The following ALS2CL variants were observed in gnomAD, a reference collection of about 807,000 sequenced individuals.
ALS2CL encodes the protein ALS2 C-terminal like.
In ALS2CL, 112 loss-of-function variants were observed where a neutral mutation model predicts 127.9. That is an observed-to-expected ratio of 0.88 (90% confidence interval 0.75 to 1.02). ALS2CL has a LOEUF of 1.02. Among genes scored for constraint, ALS2CL ranks in the 50% least tolerant of loss-of-function variants. The pLI, the probability that ALS2CL is intolerant of heterozygous loss-of-function variation, is 0.00. For synonymous variants in ALS2CL, 519 were observed against 527.6 expected (o/e 0.98, Z 0.22); for missense variants, 1,174 against 1,236.7 (o/e 0.95, Z 0.76).
chr3:46,686,775 G>A lies in ALS2CL; in HGVS notation c.534+208C>T, dbSNP rs973856396. Among the ~76,000 whole-genome samples the A allele has an allele frequency of 3.3e-5, 5 of 151,954 alleles. No individual in the cohort carries two copies. Among genetic ancestry groups the A allele is most frequent in the Non-Finnish European group, 5.9e-5 (4 of 67,964 alleles). On this transcript the variant is annotated intron_variant, in intron 5 of 25. Coordinates refer to ENST00000318962, the MANE Select transcript of ALS2CL (RefSeq NM_147129.5). The surrounding 1 kb of genome is among the most constrained non-coding windows in gnomAD (Gnocchi z 4.3). The stretch of plus-strand genomic sequence containing the variant: ...TTCCCTAGGACAGAACCATGTCTTC[G>A]GACCCCCTCCTCAGGGCTGGGCCAC...
chr3:46,676,564 G>C, intron 18 of ALS2CL, 78 bp downstream of exon 18: 5 of 1,559,950 alleles, frequency 3.2e-6, no homozygotes, highest in Non-Finnish European at 4.4e-6. Flanking sequence ...TCAGCACCCT[G>C]CTATGAAAAA....
At chr3:46,682,169 C>T (rs558886405) in intron 10 of ALS2CL, 75 bp from the exon 11 acceptor site, 23 of 1,512,880 alleles carry the variant, frequency 1.5e-5, no homozygotes, top group Middle Eastern at 3.4e-4. Flanking sequence ...CTTTCTCAGA[C>T]GCCCTCCCTT....
chr3:46,674,495 C>A (rs1698651440), intron 21 of ALS2CL, 71 bp downstream of exon 21: 12 of 1,551,108 alleles, frequency 7.7e-6, no homozygotes, highest in Non-Finnish European at 1.0e-5. Flanking sequence ...CCAGCCCCAC[C>A]TTTTGGCTGA....
In ALS2CL at chr3:46,679,243, GC is replaced by G; in HGVS notation, c.1592del (p.Gly531AlafsTer7). The G allele has an allele frequency of 6.3e-7, 1 of 1,583,918 alleles. No homozygotes were observed. The highest frequency in any genetic ancestry group is 8.6e-7 in the Non-Finnish European group (1 of 1,164,392). ...LLSEDDSLYE[G>X]TFTRDLTLMG... ...TGAGGGTCAGGTCCCTGGTGAAGGT[GC>G]CCTCATACAGGGAGTCGTCTTCAGA... On this transcript the variant is annotated frameshift_variant, in exon 15 of 26. Coordinates refer to ENST00000318962, the MANE Select transcript of ALS2CL (RefSeq NM_147129.5). LOFTEE classifies it high-confidence loss of function.
intron 1 of ALS2CL, among the ~76,000 whole-genome samples, chr3:46,691,600 G>C (rs1032657059): frequency 6.6e-6 from 1 of 151,964 alleles, no homozygotes; most frequent in African/African-American, 2.4e-5. Flanking sequence ...CTCAGCCCTG[G>C]ACATGCTTCA....
chr3:46,676,856 A>G lies in ALS2CL; in HGVS notation c.1924T>C (p.Cys642Arg), dbSNP rs1473428983. The G allele has an allele frequency of 6.7e-7, 1 of 1,496,630 alleles. No homozygotes were observed. The highest frequency in any genetic ancestry group is 1.1e-5 in the South Asian group (1 of 89,376). 92.7% of individuals were successfully genotyped at this position (1,496,630 alleles called of 1,614,324 possible). ...ELRRSQDYLS[C>R]ERTHPEDSVG... ...TCACACAGCCGGCCTCACCTCTCGC[A>G]GGACAGGTAATCCTGAGACCTACGC... The change falls in exon 17 of 26, where the codon TGC (cysteine) becomes CGC (arginine). Residue 642 changes from cysteine to arginine, a missense_variant. Cys to Arg is a radical substitution (Grantham distance 180, BLOSUM62 -3). Coordinates refer to ENST00000318962, the MANE Select transcript of ALS2CL (RefSeq NM_147129.5).
rs753145571 is a variant in ALS2CL, at chr3:46,688,158, G to T, written c.242C>A (p.Thr81Asn). 6.2e-7 allele frequency: 1 copy of T among 1,613,140 alleles called. No individual in the cohort carries two copies. The highest frequency in any genetic ancestry group is 1.1e-5 in the South Asian group (1 of 91,084). Residue 81 changes from threonine to asparagine, a missense_variant, in exon 3 of 26, where the codon ACC becomes AAC. Coordinates refer to ENST00000318962, the MANE Select transcript of ALS2CL (RefSeq NM_147129.5). ...LQERLRYPDSTGLESLLLLRG... is the reference protein window; with the variant it reads ...LQERLRYPDSNGLESLLLLRG... ...CAGCAGCAGCAGGGACTCCAGACCG[G>T]TGGAGTCCGGGTAACGCAGCCTCTC...
At chr3:46,684,121 C>T in intron 7 of ALS2CL, 74 bp from the exon 8 acceptor site, 3 of 1,513,546 alleles carry the variant, frequency 2.0e-6, no homozygotes, top group Admixed American at 3.9e-5. Context: ...CAAGGCTTGC[C>T]CCAAGCTCAA....
intron 15 of ALS2CL, among the ~76,000 whole-genome samples, chr3:46,678,689 G>T (rs1699074930): frequency 6.6e-6 from 1 of 152,252 alleles, no homozygotes; most frequent in South Asian, 2.1e-4. Context: ...GAGGGGCTGG[G>T]GTGGGGGTAA....
chr3:46,679,168 A>C lies in ALS2CL; in HGVS notation c.1626+42T>G, dbSNP rs752222543. 5 of 1,526,434 alleles carry C rather than the reference A, an allele frequency of 3.3e-6. No homozygotes were observed. In the Admixed American group the frequency reaches 1.0e-4, roughly 30 times the overall value. 94.6% of individuals were successfully genotyped at this position (1,526,434 alleles called of 1,614,324 possible). ...GTGGGGAGATTACAGACACCAACCA[A>C]GGCCTTGGCAGGGTGTGGAGGGGGG... On this transcript the variant is annotated intron_variant, in intron 15 of 25. Coordinates refer to ENST00000318962, the MANE Select transcript of ALS2CL (RefSeq NM_147129.5).
Position 46,672,194 on chromosome 3 carries a change from G to T in ALS2CL, c.2480C>A (p.Ser827Tyr), listed in dbSNP as rs779678498. 5 of 1,614,060 alleles carry T rather than the reference G, an allele frequency of 3.1e-6. No individual in the cohort carries two copies. In the South Asian group the frequency reaches 5.5e-5, roughly 18 times the overall value. The change falls in exon 23 of 26, where the codon TCC (serine) becomes TAC (tyrosine). Residue 827 changes from serine to tyrosine, a missense_variant. Transcript: ENST00000318962. Reference protein sequence around the residue: ...DLTLTSNQRYSLVRDKCFLSA... With the variant: ...DLTLTSNQRYYLVRDKCFLSA... ...CAGGAAACACTTGTCCCTGACCAGG[G>T]AGTACCTCTGCATGGTGGAGGGAGT...
At chr3:46,683,347 G>C in intron 9 of ALS2CL, 21 bp from the exon 10 acceptor site, 1 of 1,565,682 alleles carries the variant, frequency 6.4e-7, no homozygotes, top group Non-Finnish European at 8.7e-7. Flanking sequence ...GGGGAACATG[G>C]GGAAGGGGAT....
intron 10 of ALS2CL, 150 bp from the exon 11 acceptor site, chr3:46,682,244 T>A (rs1699412251): frequency 1.2e-6 from 1 of 844,426 alleles, no homozygotes; most frequent in Non-Finnish European, 1.9e-6. Flanking sequence ...CGAACATTCC[T>A]TGCAGAAAGC....
chr3:46,691,803 C>A (rs958090982), intron 1 of ALS2CL, among the ~76,000 whole-genome samples: 4 of 151,526 alleles, frequency 2.6e-5, no homozygotes, highest in African/African-American at 9.7e-5. Flanking sequence ...AGTGATCAAC[C>A]CATCTTGGCC....
rs781336907 is a variant in ALS2CL, at chr3:46,687,004, G to T, written c.513C>A (p.Ser171Arg). 2.1e-5 allele frequency: 33 copies of T among 1,601,050 alleles called. No homozygotes were observed. The Middle Eastern group carries it at 3.0e-3, about 145-fold the overall frequency. ...CCACCTCCCCAATGGTGTCCCCGAG[G>T]CTCAGCAGGAGGAGCACGTACTGTT... ...HVQQYVLLLL[S>R]LGDTIGEHHP... The change falls in exon 5 of 26, where the codon AGC becomes AGA. Residue 171 changes from serine to arginine, a missense_variant. Ser to Arg is a moderately radical substitution (Grantham distance 110). Transcript: ENST00000318962.
chr3:46,679,216 C>A lies in ALS2CL; in HGVS notation c.1620G>T (p.Met540Ile). Residue 540 changes from methionine (M) to isoleucine (I), a missense_variant, in exon 15 of 26, where the codon ATG becomes ATT. By Grantham distance (10) the Met-to-Ile change is conservative. Transcript: ENST00000318962. ...GGGCCTCAGTGGTCCTCACCTTCCC[C>A]ATGAGGGTCAGGTCCCTGGTGAAGG... Reference protein sequence around the residue: ...EGTFTRDLTLMGKGKVTFPNG... With the variant: ...EGTFTRDLTLIGKGKVTFPNG... The A allele has an allele frequency of 6.4e-7, 1 of 1,565,924 alleles. No homozygotes were observed. The highest frequency in any genetic ancestry group is 2.4e-5 in the East Asian group (1 of 42,322).
intron 1 of ALS2CL, among the ~76,000 whole-genome samples, chr3:46,690,749 C>G (rs1700101441): frequency 6.6e-6 from 1 of 152,182 alleles, no homozygotes; most frequent in African/African-American, 2.4e-5. Flanking sequence ...GGGACAAAAT[C>G]AGGGCAGCCA....
Position 46,686,506 on chromosome 3 carries a change from C to A in ALS2CL, c.535-67G>T. On this transcript the variant is annotated intron_variant, in intron 5 of 25. Coordinates refer to ENST00000318962, the MANE Select transcript of ALS2CL (RefSeq NM_147129.5). This position sits in a 1 kb window ranked among gnomAD's most constrained non-coding sequence, Gnocchi z 4.3. ...GAATCTTCCCTAGCCCAGTCCTGGT[C>A]CCGGCTGGTGGGGAGGCCTGAATCT... 6.4e-7 allele frequency: 1 copy of A among 1,552,048 alleles called. No individual in the cohort carries two copies. The highest frequency in any genetic ancestry group is 8.7e-7 in the Non-Finnish European group (1 of 1,147,274).
chr3:46,676,793 C>A, intron 17 of ALS2CL, 55 bp from the exon 18 acceptor site: 5 of 1,607,538 alleles, frequency 3.1e-6, no homozygotes, highest in Non-Finnish European at 4.3e-6. Context: ...CCCCTCCCCC[C>A]AGGAAGCCCT....
Sources: gnomAD v4.1 joint callset for allele counts (sites outside exome capture counted in the v4.1 genomes callset) on GRCh38, gnomAD v4.1.1 for gene constraint, Gnocchi (gnomAD v3.1) non-coding constraint, MANE v1.5 for transcripts, NCBI Gene and HGNC (gene_info 2026-07-23, HGNC 2026-07-21) for gene names.